CHST12: variants seen among roughly 807,000 people sequenced by gnomAD.
CHST12 encodes carbohydrate (chondroitin 4) sulfotransferase 12.
A neutral mutation model predicts 27.9 loss-of-function variants in CHST12; 23 were observed. The ratio of observed to expected loss-of-function variants is 0.82; its 90% CI spans 0.59 to 1.17. The LOEUF is 1.17. Among genes scored for constraint, CHST12 ranks in the 50% most tolerant of loss-of-function variants. The probability of loss-of-function intolerance (pLI) is 0.00; values close to 1 mark genes in which losing one functional copy is unlikely to be tolerated. For synonymous variants in CHST12, 322 were observed against 273.0 expected, an observed-to-expected ratio of 1.18 and a Z score of -1.77; for missense variants, 682 against 603.0, an observed-to-expected ratio of 1.13 and a Z score of -1.37.
chr7:2,418,313 G>A (rs922053546), intron 1 of CHST12, among the ~76,000 whole-genome samples: 1 of 152,200 alleles, frequency 6.6e-6, no homozygotes, highest in South Asian at 2.1e-4. Context: ...ATAATTTTCA[G>A]TGCCATTTAT....
chr7:2,426,367 C>G (rs916109728), intron 1 of CHST12, among the ~76,000 whole-genome samples: 5 of 152,152 alleles, frequency 3.3e-5, no homozygotes, highest in African/African-American at 9.7e-5. Context: ...CACAACCAGA[C>G]GGAGCCCACC....
chr7:2,448,074 G>C lies in CHST12; in HGVS notation c.*14190G>C, dbSNP rs1782798408. 1 of 152,000 alleles carries C rather than the reference G, an allele frequency of 6.6e-6. No individual in the cohort carries two copies. The highest frequency in any genetic ancestry group is 2.1e-4 in the South Asian group (1 of 4,812). The allele number at this position is 152,000 out of a possible 1,614,324, so 9.4% of individuals were successfully genotyped here. ...GTAGAGACAGGATTTCGCCATGTGG[G>C]TCGGGCTGGTCTCGAACTCCTGGTC... On this transcript the variant is annotated 3_prime_UTR_variant, in exon 2 of 2. Coordinates refer to ENST00000618655, the MANE Select transcript of CHST12 (RefSeq NM_018641.5).
At chr7:2,431,450 G>A (rs1173831247) in intron 1 of CHST12, among the ~76,000 whole-genome samples, 2 of 152,208 alleles carry the variant, frequency 1.3e-5, no homozygotes, top group African/African-American at 4.8e-5. Context: ...GAGTAGAGTT[G>A]GAGTTCAGCT....
chr7:2,433,059 C>T lies in CHST12; in HGVS notation c.420C>T (p.Pro140=). The T allele has an allele frequency of 3.7e-6, 6 of 1,612,142 alleles. No individual in the cohort carries two copies. Among genetic ancestry groups the T allele is most frequent in the East Asian group, 2.2e-5 (1 of 44,848 alleles). ...GFCANSSLAF[P]TKERAFDDIP... ...GCGCCAACTCCAGCCTGGCCTTCCC[C>T]ACCAAGGAGCGCGCATTCGACGACA... is the stretch of plus-strand genomic sequence containing the variant. Residue 140 remains proline (P), a synonymous_variant, in exon 2 of 2, where the codon CCC becomes CCT. Transcript: ENST00000618655. This position sits in a 1 kb window ranked among gnomAD's most constrained non-coding sequence, Gnocchi z 6.1.
At position 2,433,466 on chromosome 7, in the gene CHST12, G is replaced by A. The variant is rs147835348; in HGVS notation, c.827G>A (p.Arg276Gln). Reference sequence around the variant, plus strand: ...CGCAAGTTCGCCGTGCCCATGCTGCGGCTGTACGCCAACCACACCAGCCTG... The same window carrying A: ...CGCAAGTTCGCCGTGCCCATGCTGCAGCTGTACGCCAACCACACCAGCCTG... The part of the protein sequence containing the change: ...FYRKFAVPML[R>Q]LYANHTSLPA... Residue 276 changes from arginine (R) to glutamine (Q), a missense_variant, in exon 2 of 2, where the codon CGG (arginine) becomes CAG (glutamine). Arg to Gln is a conservative substitution (Grantham distance 43). Transcript: ENST00000618655. The surrounding 1 kb of genome is among the most constrained non-coding windows in gnomAD (Gnocchi z 6.1). The A allele has an allele frequency of 2.8e-5, 45 of 1,610,858 alleles. 1 individual carries two copies. In the African/African-American group the frequency reaches 5.1e-4, roughly 18 times the overall value.
intron 1 of CHST12, among the ~76,000 whole-genome samples, chr7:2,421,091 T>C (rs2115414144): frequency 6.6e-6 from 1 of 151,988 alleles, no homozygotes; most frequent in Non-Finnish European, 1.5e-5. Context: ...AGAGTCTCAC[T>C]CTGTTCCCCA....
rs1300677318 is a variant in CHST12, at chr7:2,448,045, T to G, written c.*14161T>G. The G allele has an allele frequency of 5.3e-5, 8 of 151,714 alleles. No homozygotes were observed. The highest frequency in any genetic ancestry group is 1.5e-4 in the African/African-American group (6 of 41,234). The allele number at this position is 151,714 out of a possible 1,614,324, so 9.4% of individuals were successfully genotyped here. On this transcript the variant is annotated 3_prime_UTR_variant, in exon 2 of 2. Transcript: ENST00000618655. ...ACCATGCCCGGCTAATTTTTCTCTTTTTAGTAGAGACAGGATTTCGCCATG... is the reference window on the plus strand; with the variant it reads ...ACCATGCCCGGCTAATTTTTCTCTTGTTAGTAGAGACAGGATTTCGCCATG...
At chr7:2,410,119 AACATACCG>A (rs1428080503) in intron 1 of CHST12, among the ~76,000 whole-genome samples, 3 of 152,146 alleles carry the variant, frequency 2.0e-5, no homozygotes, top group Non-Finnish European at 4.4e-5. Context: ...GGGGTTTTAA[AACATACCG>A]ACCAGTAGAG....
At chr7:2,416,376 A>G (rs1055797792) in intron 1 of CHST12, among the ~76,000 whole-genome samples, 2 of 152,254 alleles carry the variant, frequency 1.3e-5, no homozygotes, top group African/African-American at 2.4e-5. Flanking sequence ...ACTTCTATTA[A>G]TGTTGCTATT....
chr7:2,419,229 T>TA (rs1188268628), intron 1 of CHST12, among the ~76,000 whole-genome samples: 1 of 151,928 alleles, frequency 6.6e-6, no homozygotes, highest in Non-Finnish European at 1.5e-5. Context: ...GTCAACATGG[T>TA]GAAACCCCAT....
rs546958089 is a variant in CHST12 at position 2,444,781 on chromosome 7, C to T, written c.*10897C>T. ...AAAAATCCCCTACTCCCCCTGGGCT[C>T]CTTCACAGTTTGTGTGTCCTCACAG... On this transcript the variant is annotated 3_prime_UTR_variant, in exon 2 of 2. Coordinates refer to ENST00000618655, the MANE Select transcript of CHST12 (RefSeq NM_018641.5). 5.9e-5 allele frequency: 9 copies of T among 152,326 alleles called. No individual in the cohort carries two copies. The highest frequency in any genetic ancestry group is 5.9e-4 in the Admixed American group (9 of 15,286). The allele number at this position is 152,326 out of a possible 1,614,324, so 9.4% of individuals were successfully genotyped here.
Position 2,433,707 on chromosome 7 carries a change from C to T in CHST12, c.1068C>T (p.Leu356=), listed in dbSNP as rs376289013. 43 of 1,613,596 alleles carry T rather than the reference C, an allele frequency of 2.7e-5. No individual in the cohort carries two copies. The highest frequency in any genetic ancestry group is 3.0e-5 in the Non-Finnish European group (35 of 1,179,940). ...ACGCCGCGCAGCTGCTGCAGCTACT[C>T]CAGGTGGACCGGCAGCTCCGCTTCC... The part of the protein sequence containing the change: ...DEDAAQLLQL[L]QVDRQLRFPP... The change falls in exon 2 of 2, where the codon CTC becomes CTT. Residue 356 remains leucine (L), a synonymous_variant. Coordinates refer to ENST00000618655, the MANE Select transcript of CHST12 (RefSeq NM_018641.5). This position sits in a 1 kb window ranked among gnomAD's most constrained non-coding sequence, Gnocchi z 6.1.
rs1432743750 is a variant in CHST12, at chr7:2,439,924, C to T, written c.*6040C>T. The T allele has an allele frequency of 6.6e-6, 1 of 151,844 alleles. No homozygotes were observed. Among genetic ancestry groups the T allele is most frequent in the African/African-American group, 2.4e-5 (1 of 41,324 alleles). 9.4% of individuals were successfully genotyped at this position (151,844 alleles called of 1,614,324 possible). The stretch of plus-strand genomic sequence containing the variant: ...TGGTAGATACGGGGTCTTGCTTTGT[C>T]ACCCAGGCTGGTCTCAAACTCCTGA... On this transcript the variant is annotated 3_prime_UTR_variant, in exon 2 of 2. Coordinates refer to ENST00000618655, the MANE Select transcript of CHST12 (RefSeq NM_018641.5).
rs535489577 is a variant in CHST12 at position 2,438,637 on chromosome 7, C to T, written c.*4753C>T. On this transcript the variant is annotated 3_prime_UTR_variant, in exon 2 of 2. Coordinates refer to ENST00000618655, the MANE Select transcript of CHST12 (RefSeq NM_018641.5). ...AAAGGGAAAGCTTGGCTTGCATGGA[C>T]GTAATTAACCTAAAAGTCTTTAAAC... 3 of 152,308 alleles carry T rather than the reference C, an allele frequency of 2.0e-5. No homozygotes were observed. The highest frequency in any genetic ancestry group is 4.1e-4 in the South Asian group (2 of 4,830). 9.4% of individuals were successfully genotyped at this position (152,308 alleles called of 1,614,324 possible). A position where few individuals can be genotyped will look rare whatever the true frequency, so the allele number is the denominator to read the frequency against.
intron 1 of CHST12, among the ~76,000 whole-genome samples, chr7:2,429,484 C>G (rs1358521670): frequency 6.6e-6 from 1 of 152,050 alleles, no homozygotes; most frequent in African/African-American, 2.4e-5. Flanking sequence ...TGTTGTTATT[C>G]TTTGAATGTT....
At chr7:2,406,744 C>T (rs894935857) in intron 1 of CHST12, among the ~76,000 whole-genome samples, 1 of 152,150 alleles carries the variant, frequency 6.6e-6, no homozygotes, top group Admixed American at 6.6e-5. Context: ...CGAAGCCCGT[C>T]ATTAATAACC....
intron 1 of CHST12, among the ~76,000 whole-genome samples, chr7:2,407,199 G>C (rs7789095): frequency 0.35 from 52,675 of 152,080 alleles, 9,903 homozygotes; most frequent in African/African-American, 0.51. Flanking sequence ...TGAATAGTAA[G>C]AGCTTCAAAG....
intron 1 of CHST12, among the ~76,000 whole-genome samples, chr7:2,418,259 A>G (rs1400344143): frequency 6.6e-6 from 1 of 152,132 alleles, no homozygotes; most frequent in Non-Finnish European, 1.5e-5. Flanking sequence ...CTAAGACACA[A>G]CTCTGTCAGC....
chr7:2,420,869 T>A (rs1315573530), intron 1 of CHST12, among the ~76,000 whole-genome samples: 1 of 152,172 alleles, frequency 6.6e-6, no homozygotes, highest in African/African-American at 2.4e-5. Flanking sequence ...AATTTTATTT[T>A]ATTATTATTT....
Sources: allele counts gnomAD v4.1 joint callset (sites outside exome capture counted in the v4.1 genomes callset), GRCh38; gene constraint gnomAD v4.1.1; non-coding constraint Gnocchi (gnomAD v3.1); transcripts MANE v1.5; gene names NCBI Gene and HGNC (gene_info 2026-07-23, HGNC 2026-07-21).